The following CD163L1 variants were observed in gnomAD, a reference collection of about 807,000 sequenced individuals.
The protein encoded by CD163L1 is scavenger receptor cysteine-rich type 1 protein M160.
Under a neutral mutation model 165.4 loss-of-function variants are expected in CD163L1, and 124 were observed. That is an observed-to-expected ratio of 0.75 (90% CI 0.65 to 0.87). CD163L1 has a LOEUF of 0.87. CD163L1 is among the 40% of genes least tolerant of loss of function. The probability of loss-of-function intolerance (pLI) is 0.00; values close to 1 mark genes in which losing one functional copy is unlikely to be tolerated. For synonymous variants in CD163L1, 585 were observed against 662.2 expected, an observed-to-expected ratio of 0.88 and a Z score of 1.79; for missense variants, 1,525 against 1,799.9, an observed-to-expected ratio of 0.85 and a Z score of 2.76.
downstream of CD163L1, among the ~76,000 whole-genome samples, chr12:7,352,021 TACTG>T (rs1458083521): frequency 1.3e-5 from 2 of 152,184 alleles, no homozygotes; most frequent in Non-Finnish European, 2.9e-5. Flanking sequence ...AAAAAGCTCT[TACTG>T]ACAGTAGAAT....
Position 7,373,558 on chromosome 12 carries a change from C to T in CD163L1, c.3492G>A (p.Trp1164Ter). The change falls in exon 14 of 20, where the codon TGG (tryptophan) becomes TGA (stop). Residue 1164 changes from tryptophan to a stop codon, truncating the protein, a stop_gained. Transcript: ENST00000313599. LOFTEE classifies it high-confidence loss of function. ...GRLEVFYNGT[W>*]GSVGRRNITT... ...TGATGTTCCTCCTGCCGACGCTGCC[C>T]CAGGTCCCGTTATAGAAGACTTCCA... 6.2e-7 allele frequency: 1 copy of T among 1,614,040 alleles called. No homozygotes were observed. The highest frequency in any genetic ancestry group is 8.5e-7 in the Non-Finnish European group (1 of 1,179,964).
At chr12:7,364,019 C>T (rs1946961359) in intron 18 of CD163L1, among the ~76,000 whole-genome samples, 1 of 152,014 alleles carries the variant, frequency 6.6e-6, no homozygotes. Flanking sequence ...CACTGATGAA[C>T]AAAAATGTAA....
rs771308162 is a variant in CD163L1, at chr12:7,373,583, A to G, written c.3467T>C (p.Leu1156Ser). 4 of 1,613,778 alleles carry G rather than the reference A, an allele frequency of 2.5e-6. No homozygotes were observed. The South Asian group carries it at 3.3e-5, about 13-fold the overall frequency. ...CCAGGTCCCGTTATAGAAGACTTCCAATCTCCCAGCACAGCTCTCTGTTTC... is the reference window on the plus strand; with the variant it reads ...CCAGGTCCCGTTATAGAAGACTTCCGATCTCCCAGCACAGCTCTCTGTTTC... ...ETETESCAGR[L>S]EVFYNGTWGS... is the part of the protein sequence containing the mutation. Residue 1156 changes from leucine to serine, a missense_variant, in exon 14 of 20, where the codon TTG becomes TCG. Coordinates refer to ENST00000313599, the MANE Select transcript of CD163L1 (RefSeq NM_174941.6).
In CD163L1 at chr12:7,396,406, G is replaced by GT. The variant is rs1298931093; in HGVS notation, c.1738dup (p.Thr580AsnfsTer30). 1 of 1,605,382 alleles carries GT rather than the reference G, an allele frequency of 6.2e-7. No individual in the cohort carries two copies. Among genetic ancestry groups the GT allele is most frequent in the Admixed American group, 1.7e-5 (1 of 59,552 alleles). The stretch of plus-strand genomic sequence containing the variant: ...GCCGCCCACCAGCCTCAGGCCCCAT[G>GT]TTGCATCACCTGCACCAAGAACAAT... On this transcript the variant is annotated frameshift_variant, in exon 8 of 20. Transcript: ENST00000313599. LOFTEE classifies it high-confidence loss of function.
intron 9 of CD163L1, among the ~76,000 whole-genome samples, chr12:7,378,558 C>T (rs1220774779): frequency 6.6e-6 from 1 of 152,158 alleles, no homozygotes; most frequent in East Asian, 1.9e-4. Context: ...CTTCTTTCAA[C>T]CATCTTTTAG....
intron 4 of CD163L1, among the ~76,000 whole-genome samples, chr12:7,411,385 T>C (rs1313789855): frequency 1.3e-5 from 2 of 152,146 alleles, no homozygotes; most frequent in African/African-American, 4.8e-5. Context: ...GAATCTGAGG[T>C]TGAAATGTGA....
At position 7,376,794 on chromosome 12, in the gene CD163L1, T is replaced by C. The variant is rs749453239; in HGVS notation, c.2372-780A>G. Among the ~76,000 whole-genome samples the C allele has an allele frequency of 2.0e-5, 3 of 152,318 alleles. No individual in the cohort carries two copies. The East Asian group carries it at 5.8e-4, about 29-fold the overall frequency. On this transcript the variant is annotated intron_variant, in intron 9 of 19. Coordinates refer to ENST00000313599, the MANE Select transcript of CD163L1 (RefSeq NM_174941.6). ...CCAAAACTTCTCACCCCTTCAACCCTAGCGCCTTGATTGAGCCACCATCAT... is the reference window on the plus strand; with the variant it reads ...CCAAAACTTCTCACCCCTTCAACCCCAGCGCCTTGATTGAGCCACCATCAT...
In CD163L1 at chr12:7,369,562, G is replaced by T. The variant is rs762111805; in HGVS notation, c.3834C>A (p.Ala1278=). 6.2e-7 allele frequency: 1 copy of T among 1,614,072 alleles called. No homozygotes were observed. The highest frequency in any genetic ancestry group is 8.5e-7 in the Non-Finnish European group (1 of 1,180,016). Reference sequence around the variant, plus strand: ...GCTGCTGACACACCACTTCCGCCTCGGCCAGGTCCCAGGAGTCATCACACA... The same window carrying T: ...GCTGCTGACACACCACTTCCGCCTCTGCCAGGTCCCAGGAGTCATCACACA... ...GTVCDDSWDL[A]EAEVVCQQLG... Residue 1278 remains alanine (A), a synonymous_variant, in exon 15 of 20, where the codon GCC becomes GCA. Transcript: ENST00000313599. The surrounding 1 kb of genome is among the most constrained non-coding windows in gnomAD (Gnocchi z 4.9).
At chr12:7,351,023 T>G (rs1417696643), downstream of CD163L1, among the ~76,000 whole-genome samples, 1 of 152,146 alleles carries the variant, frequency 6.6e-6, no homozygotes, top group Admixed American at 6.5e-5. Context: ...AATAATATTA[T>G]TTGTAATGAC....
At chr12:7,349,058 A>T (rs762079619) in intron 4 of CD163L1, among the ~76,000 whole-genome samples, 32 of 152,132 alleles carry the variant, frequency 2.1e-4, no homozygotes, top group Non-Finnish European at 4.4e-4. Context: ...CTAAACTGGG[A>T]TGGACTTGAT....
chr12:7,393,887 A>T (rs1327061347), intron 8 of CD163L1, among the ~76,000 whole-genome samples: 1 of 152,178 alleles, frequency 6.6e-6, no homozygotes, highest in African/African-American at 2.4e-5. Context: ...TTCTTCAAGG[A>T]GAACTACAAA....
At chr12:7,322,002 C>G in the CD163L1 span, among the ~76,000 whole-genome samples, 5 of 152,184 alleles carry the variant, frequency 3.3e-5, no homozygotes, top group African/African-American at 4.8e-5. Context: ...CCTCTCTGAA[C>G]CTCAATGTCC....
In CD163L1 at chr12:7,367,162, G is replaced by A. The variant is rs942341708; in HGVS notation, c.4279+74C>T. The A allele has an allele frequency of 1.3e-5, 11 of 823,950 alleles. No individual in the cohort carries two copies. In the Admixed American group the frequency reaches 2.1e-4, roughly 16 times the overall value. 51.0% of individuals were successfully genotyped at this position (823,950 alleles called of 1,614,324 possible). A position where few individuals can be genotyped will look rare whatever the true frequency, so the allele number is the denominator to read the frequency against. On this transcript the variant is annotated intron_variant, in intron 18 of 19. Coordinates refer to ENST00000313599, the MANE Select transcript of CD163L1 (RefSeq NM_174941.6). ...TGAGACACATCTCCATCGAGTGGGA[G>A]TTCCTAAATATCAGCGGTATTTCCT... is the stretch of plus-strand genomic sequence containing the variant.
At position 7,433,332 on chromosome 12, in the gene CD163L1, G is replaced by A. The variant is rs746454489; in HGVS notation, c.445+42C>T. 4.6e-6 allele frequency: 7 copies of A among 1,514,912 alleles called. No homozygotes were observed. In the Admixed American group the frequency reaches 7.9e-5, roughly 17 times the overall value. 93.8% of individuals were successfully genotyped at this position (1,514,912 alleles called of 1,614,324 possible). On this transcript the variant is annotated intron_variant, in intron 3 of 19. Coordinates refer to ENST00000313599, the MANE Select transcript of CD163L1 (RefSeq NM_174941.6). Reference sequence around the variant, plus strand: ...TACCTTCCAGCAGATGATTCCTGAGGGTAGGTCTTACCTTGCCTTCCTACT... The same window carrying A: ...TACCTTCCAGCAGATGATTCCTGAGAGTAGGTCTTACCTTGCCTTCCTACT...
chr12:7,403,747 T>C lies in CD163L1; in HGVS notation c.1196A>G (p.Lys399Arg). 1 of 1,614,022 alleles carries C rather than the reference T, an allele frequency of 6.2e-7. No individual in the cohort carries two copies. ...QWWTICDQNW[K>R]NEQALVVCKQ... ...ACAAACCACAAGGGCTTGTTCATTC[T>C]TCCAGTTCTGGTCACATATTGTCCA... Residue 399 changes from lysine (K) to arginine (R), a missense_variant, in exon 6 of 20, where the codon AAG becomes AGG. Physicochemically the swap from Lys to Arg is conservative, Grantham distance 26 (BLOSUM62 2). Coordinates refer to ENST00000313599, the MANE Select transcript of CD163L1 (RefSeq NM_174941.6).
intron 18 of CD163L1, among the ~76,000 whole-genome samples, chr12:7,366,685 G>A (rs1947027323): frequency 2.0e-5 from 3 of 152,084 alleles, no homozygotes; most frequent in Admixed American, 2.0e-4. Context: ...ATTTGTTATA[G>A]CTATTGGAAA....
At chr12:7,415,681 G>A (rs1258892002) in intron 4 of CD163L1, among the ~76,000 whole-genome samples, 2 of 152,086 alleles carry the variant, frequency 1.3e-5, no homozygotes, top group Non-Finnish European at 2.9e-5. Flanking sequence ...GCAGTGTTTG[G>A]TTTTCTGTTA....
At chr12:7,438,797 G>A in intron 2 of CD163L1, 2 of 1,511,730 alleles carry the variant, frequency 1.3e-6, no homozygotes, top group Non-Finnish European at 1.8e-6. Context: ...TGAGTCCATG[G>A]ACCAGAGGCC....
Position 7,375,717 on chromosome 12 carries a change from A to G in CD163L1, c.2669T>C (p.Val890Ala), listed in dbSNP as rs772366160. 2.5e-5 allele frequency: 40 copies of G among 1,614,140 alleles called. No homozygotes were observed. The highest frequency in any genetic ancestry group is 4.4e-5 in the South Asian group (4 of 91,080). ...PEDTCIHSRE[V>A]GVVCSRYTDV... is the part of the protein sequence containing the mutation. ...AATCTCACGGGAACAGACAACTCCA[A>G]CTTCTCTGCTGTGGATACAAGTGTC... Residue 890 changes from valine to alanine, a missense_variant, in exon 10 of 20, where the codon GTT (valine) becomes GCT (alanine). Coordinates refer to ENST00000313599, the MANE Select transcript of CD163L1 (RefSeq NM_174941.6).
Sources: allele counts gnomAD v4.1 joint callset (sites outside exome capture counted in the v4.1 genomes callset), GRCh38; gene constraint gnomAD v4.1.1; non-coding constraint Gnocchi (gnomAD v3.1); transcripts MANE v1.5; gene names NCBI Gene and HGNC (gene_info 2026-07-23, HGNC 2026-07-21).